Variants in SPECC1 observed in about 807,000 individuals in gnomAD.
SPECC1 encodes the protein sperm antigen with calponin homology and coiled-coil domains 1.
Under a neutral mutation model 104.1 loss-of-function variants are expected in SPECC1, and 62 were observed. The observed-to-expected ratio is 0.60, with a 90% CI of 0.49 to 0.74. The LOEUF is 0.74. Among genes scored for constraint, SPECC1 ranks in the 30% least tolerant of loss-of-function variants. The pLI is 0.00. For synonymous variants in SPECC1, 513 were observed against 501.6 expected (o/e 1.02, Z -0.30); for missense variants, 1,306 against 1,310.5 (o/e 1.00, Z 0.05).
intron 6 of SPECC1, 136 bp from the exon 7 acceptor site, chr17:20,232,064 G>T: frequency 9.4e-7 from 1 of 1,065,760 alleles, no homozygotes; most frequent in Non-Finnish European, 1.4e-6. Context: ...CTAGCAGTGA[G>T]CCACCGTGTA....
At chr17:20,200,398 A>G (rs961592978) in intron 3 of SPECC1, among the ~76,000 whole-genome samples, 6 of 152,198 alleles carry the variant, frequency 3.9e-5, no homozygotes, top group Admixed American at 1.3e-4. Context: ...TGATTGTGTT[A>G]ATCTTCATAA....
intron 3 of SPECC1, among the ~76,000 whole-genome samples, chr17:20,111,139 G>T (rs1326120335): frequency 3.3e-5 from 5 of 152,152 alleles, no homozygotes; most frequent in Non-Finnish European, 5.9e-5. Context: ...AAATATCAAA[G>T]AATTTATTTA....
chr17:20,290,391 G>A (rs201310385), intron 12 of SPECC1: 26 of 151,256 alleles, frequency 1.7e-4, no homozygotes, highest in East Asian at 5.8e-4. Flanking sequence ...ACCCAGGCTG[G>A]TGTGATCATG....
intron 3 of SPECC1, among the ~76,000 whole-genome samples, chr17:20,145,356 C>T (rs143803157): frequency 1.8e-4 from 27 of 152,274 alleles, no homozygotes; most frequent in African/African-American, 5.3e-4. Context: ...GTGCCAAGTG[C>T]GTAACAGAAT....
At chr17:20,217,637 A>G (rs1001984333) in intron 4 of SPECC1, among the ~76,000 whole-genome samples, 1 of 152,252 alleles carries the variant, frequency 6.6e-6, no homozygotes, top group Non-Finnish European at 1.5e-5. Flanking sequence ...GTAGTTATGC[A>G]GAAGGCCACA....
At chr17:20,021,832 G>A (rs190753800) in intron 1 of SPECC1, among the ~76,000 whole-genome samples, 18 of 147,704 alleles carry the variant, frequency 1.2e-4, no homozygotes, top group Middle Eastern at 3.6e-3. Flanking sequence ...CACTGCACCC[G>A]GCCATCCCAA....
intron 1 of SPECC1, chr17:20,067,253 T>C (rs28644386): frequency 0.12 from 18,793 of 152,096 alleles, 1,152 homozygotes; most frequent in Non-Finnish European, 0.13. Context: ...CAAGTGATCC[T>C]CCTGCCTCAG....
At chr17:20,142,545 T>A (rs866120723) in intron 3 of SPECC1, among the ~76,000 whole-genome samples, 1 of 152,212 alleles carries the variant, frequency 6.6e-6, no homozygotes, top group Non-Finnish European at 1.5e-5. Context: ...AAAGACATTA[T>A]GCTGAGTAAA....
At chr17:20,221,206 C>T (rs1021806985) in intron 4 of SPECC1, among the ~76,000 whole-genome samples, 1 of 152,120 alleles carries the variant, frequency 6.6e-6, no homozygotes, top group African/African-American at 2.4e-5. Context: ...ATTCCCTTCT[C>T]TTCTATTTCT....
At chr17:20,031,820 A>G (rs112534712) in intron 1 of SPECC1, among the ~76,000 whole-genome samples, 4 of 152,304 alleles carry the variant, frequency 2.6e-5, no homozygotes, top group African/African-American at 9.6e-5. Flanking sequence ...GCCATGTTGT[A>G]GCATGTGTCA....
chr17:20,298,948 A>AGAGAGAGAGAGAGTGTGTGT, intron 13 of SPECC1, among the ~76,000 whole-genome samples: 2 of 49,072 alleles, frequency 4.1e-5, no homozygotes, highest in African/African-American at 1.9e-4. Context: ...AGAGAGAGAG[A>AGAGAGAGAGAGAGTGTGTGT]GTGTGTGTGT....
intron 1 of SPECC1, among the ~76,000 whole-genome samples, chr17:20,044,820 T>G (rs1398349149): frequency 1.3e-5 from 2 of 152,164 alleles, no homozygotes; most frequent in African/African-American, 2.4e-5. Flanking sequence ...AAAAGTACAT[T>G]TATTTATAAC....
intron 4 of SPECC1, among the ~76,000 whole-genome samples, chr17:20,218,992 T>A (rs1329060306): frequency 6.6e-6 from 1 of 152,256 alleles, no homozygotes; most frequent in Non-Finnish European, 1.5e-5. Context: ...CTCATTCTTT[T>A]TTATGGCTGA....
At chr17:20,287,196 T>A in intron 12 of SPECC1, among the ~76,000 whole-genome samples, 1 of 152,088 alleles carries the variant, frequency 6.6e-6, no homozygotes, top group Non-Finnish European at 1.5e-5. Flanking sequence ...GGCGGGTGGA[T>A]CATGAGGTCA....
intron 13 of SPECC1, among the ~76,000 whole-genome samples, chr17:20,301,076 C>G (rs9892080): frequency 0.079 from 12,038 of 152,132 alleles, 669 homozygotes; most frequent in African/African-American, 0.16. Context: ...AGTGACATTT[C>G]GCCACTTCTT....
intron 4 of SPECC1, among the ~76,000 whole-genome samples, chr17:20,222,016 G>T (rs1342547470): frequency 4.3e-5 from 6 of 140,502 alleles, no homozygotes; most frequent in African/African-American, 7.9e-5. Flanking sequence ...TATGATTTCA[G>T]TTTTTTTTTT....
chr17:20,156,049 CT>C (rs1187258357), intron 3 of SPECC1: 6 of 1,282,788 alleles, frequency 4.7e-6, no homozygotes, highest in Non-Finnish European at 4.9e-6. Context: ...CCGGCAGCTG[CT>C]GGGAACTGGA....
At chr17:20,031,524 G>A (rs2044811737) in intron 1 of SPECC1, among the ~76,000 whole-genome samples, 1 of 152,122 alleles carries the variant, frequency 6.6e-6, no homozygotes, top group South Asian at 2.1e-4. Flanking sequence ...GTTTCACCAT[G>A]TTAATCATTT....
intron 5 of SPECC1, among the ~76,000 whole-genome samples, chr17:20,231,201 C>G (rs1472028148): frequency 6.6e-6 from 1 of 152,166 alleles, no homozygotes; most frequent in Non-Finnish European, 1.5e-5. Context: ...TCTGTCTGCC[C>G]TTGGAGATTC....
Sources: gnomAD v4.1 joint callset for allele counts (sites outside exome capture counted in the v4.1 genomes callset) on GRCh38, gnomAD v4.1.1 for gene constraint, MANE v1.5 for transcripts, NCBI Gene and HGNC (gene_info 2026-07-23, HGNC 2026-07-21) for gene names.